CWC27: variants seen among roughly 807,000 people sequenced by gnomAD.
CWC27 encodes spliceosome-associated protein CWC27 homolog.
In CWC27, 47 loss-of-function variants were observed where a neutral mutation model predicts 63.6. That is an observed-to-expected ratio of 0.74 (90% confidence interval 0.58 to 0.94). The LOEUF is 0.94. CWC27 is among the 40% of genes least tolerant of loss of function. CWC27 has a pLI of 0.00. For missense variants in CWC27, 495 were observed against 554.3 expected (o/e 0.89, Z 1.07); for synonymous variants, 175 against 179.8 (o/e 0.97, Z 0.22).
At chr5:64,848,809 C>T (rs1746055397) in intron 10 of CWC27, among the ~76,000 whole-genome samples, 1 of 151,964 alleles carries the variant, frequency 6.6e-6, no homozygotes, top group South Asian at 2.1e-4. Context: ...AAAAAGTCAC[C>T]AAATTAGGTA....
intron 10 of CWC27, among the ~76,000 whole-genome samples, chr5:64,839,850 G>C (rs1444922527): frequency 6.6e-6 from 1 of 152,082 alleles, no homozygotes; most frequent in Non-Finnish European, 1.5e-5. Flanking sequence ...AGTTGGTTGT[G>C]AAAAAAGAAG....
intron 11 of CWC27, among the ~76,000 whole-genome samples, chr5:64,950,999 T>C (rs1413066218): frequency 6.6e-6 from 1 of 152,028 alleles, no homozygotes; most frequent in Non-Finnish European, 1.5e-5. Flanking sequence ...TATACCATAA[T>C]ATGTTTATCC....
intron 11 of CWC27, among the ~76,000 whole-genome samples, chr5:64,916,072 T>C (rs1747881735): frequency 6.6e-6 from 1 of 152,256 alleles, no homozygotes; most frequent in African/African-American, 2.4e-5. Context: ...CTTATACCTT[T>C]GGCTGTTCCT....
chr5:64,976,420 TAAAC>T (rs1480052793), intron 12 of CWC27, among the ~76,000 whole-genome samples: 4 of 152,170 alleles, frequency 2.6e-5, no homozygotes, highest in East Asian at 1.9e-4. Flanking sequence ...ATTTGTGAAA[TAAAC>T]AATACTATTT....
At chr5:64,824,768 C>A (rs1284379886) in intron 10 of CWC27, among the ~76,000 whole-genome samples, 1 of 138,130 alleles carries the variant, frequency 7.2e-6, no homozygotes, top group African/African-American at 2.8e-5. Context: ...AGTCTCACTC[C>A]GTCGCCCAGG....
chr5:64,901,652 T>A (rs1747513254), intron 11 of CWC27, among the ~76,000 whole-genome samples: 1 of 152,124 alleles, frequency 6.6e-6, no homozygotes, highest in African/African-American at 2.4e-5. Context: ...TGAATGTATT[T>A]AAATTTTTTT....
rs200669820 is a variant in CWC27, at chr5:64,769,140, G to A, written c.-7G>A. 1 of 1,613,972 alleles carries A rather than the reference G, an allele frequency of 6.2e-7. No homozygotes were observed. The highest frequency in any genetic ancestry group is 2.2e-5 in the East Asian group (1 of 44,870). On this transcript the variant is annotated 5_prime_UTR_variant, in exon 1 of 14. Coordinates refer to ENST00000381070, the MANE Select transcript of CWC27 (RefSeq NM_005869.4). ...CGTAAGGAGCAGAGTCCTTTGTACT[G>A]ACCAAGATGAGCAACATCTACATCC...
chr5:64,876,909 A>G (rs1250734727), intron 10 of CWC27, among the ~76,000 whole-genome samples: 1 of 152,072 alleles, frequency 6.6e-6, no homozygotes, highest in Non-Finnish European at 1.5e-5. Context: ...TAATTGCAGG[A>G]TTTTAAAAAA....
At chr5:64,858,022 C>G (rs1270005338) in intron 10 of CWC27, among the ~76,000 whole-genome samples, 1 of 145,746 alleles carries the variant, frequency 6.9e-6, no homozygotes, top group Non-Finnish European at 1.5e-5. Flanking sequence ...CCTGTAGTCC[C>G]AGCTACTCGG....
chr5:64,886,695 A>T (rs1012733404), intron 11 of CWC27, among the ~76,000 whole-genome samples: 4 of 152,112 alleles, frequency 2.6e-5, no homozygotes, highest in African/African-American at 9.7e-5. Context: ...ATCCCCAATG[A>T]CTATTTTCAT....
chr5:64,888,362 TATAA>T (rs1280925456), intron 11 of CWC27, among the ~76,000 whole-genome samples: 16 of 147,106 alleles, frequency 1.1e-4, no homozygotes, highest in East Asian at 7.8e-4. Context: ...ATATAAAGTA[TATAA>T]ATAATTTGTT....
chr5:64,828,332 T>G (rs541804524), intron 10 of CWC27, among the ~76,000 whole-genome samples: 1 of 152,250 alleles, frequency 6.6e-6, no homozygotes, highest in African/African-American at 2.4e-5. Context: ...TATGGAAGTT[T>G]AAAGTTGAAA....
At chr5:65,004,697 C>T (rs1191740155) in intron 13 of CWC27, among the ~76,000 whole-genome samples, 1 of 149,204 alleles carries the variant, frequency 6.7e-6, no homozygotes, top group African/African-American at 2.5e-5. Flanking sequence ...CACAATTTTT[C>T]CTTTATTTGT....
chr5:64,870,957 A>C (rs1746659332), intron 10 of CWC27, among the ~76,000 whole-genome samples: 1 of 152,170 alleles, frequency 6.6e-6, no homozygotes, highest in Admixed American at 6.6e-5. Context: ...GAGCTTGAGC[A>C]CTTTGGGATT....
intron 9 of CWC27, among the ~76,000 whole-genome samples, chr5:64,801,829 C>T (rs1274498095): frequency 2.0e-5 from 3 of 152,108 alleles, no homozygotes; most frequent in Non-Finnish European, 4.4e-5. Context: ...GGAAGATTTT[C>T]CTTTAATACA....
chr5:65,000,003 T>C (rs796967700), intron 13 of CWC27, among the ~76,000 whole-genome samples: 7 of 152,180 alleles, frequency 4.6e-5, no homozygotes, highest in African/African-American at 1.7e-4. Flanking sequence ...CATTCGTTAT[T>C]TGCTGTCTCT....
At chr5:64,984,034 T>C (rs981452612) in intron 13 of CWC27, among the ~76,000 whole-genome samples, 1 of 152,146 alleles carries the variant, frequency 6.6e-6, no homozygotes, top group Non-Finnish European at 1.5e-5. Context: ...GGTTTCACCA[T>C]GTTGGTCAGA....
intron 10 of CWC27, among the ~76,000 whole-genome samples, chr5:64,867,055 G>A (rs1746547095): frequency 6.6e-6 from 1 of 152,000 alleles, no homozygotes; most frequent in Admixed American, 6.6e-5. Context: ...TAGCAAAAAG[G>A]GAAGCAATTT....
intron 10 of CWC27, among the ~76,000 whole-genome samples, chr5:64,882,610 T>C (rs1454829198): frequency 2.0e-5 from 3 of 151,952 alleles, no homozygotes; most frequent in Non-Finnish European, 2.9e-5. Flanking sequence ...TGTTGTTGTT[T>C]TGAGACGGAG....
Sources: allele counts gnomAD v4.1 joint callset (sites outside exome capture counted in the v4.1 genomes callset), GRCh38; gene constraint gnomAD v4.1.1; transcripts MANE v1.5; gene names NCBI Gene and HGNC (gene_info 2026-07-23, HGNC 2026-07-21).